Variants in GRIN2B observed in about 807,000 individuals in gnomAD.
GRIN2B encodes glutamate ionotropic receptor NMDA type subunit 2B, also known as glutamate receptor ionotropic, NMDA 2B.
GRIN2B carries 5 observed loss-of-function variants against 114.5 expected under a neutral mutation model. That is an observed-to-expected ratio of 0.04 (90% CI 0.02 to 0.09). GRIN2B has a LOEUF of 0.09. Among genes scored for constraint, GRIN2B ranks in the 10% least tolerant of loss-of-function variants. The pLI, the probability that GRIN2B is intolerant of heterozygous loss-of-function variation, is 1.00. For synonymous variants in GRIN2B, 787 were observed against 745.1 expected (o/e 1.06, Z -0.92); for missense variants, 1,108 against 1,943.5 (o/e 0.57, Z 8.08).
At chr12:13,976,377 G>A (rs549278840) in intron 2 of GRIN2B, among the ~76,000 whole-genome samples, 11 of 152,292 alleles carry the variant, frequency 7.2e-5, no homozygotes, top group African/African-American at 2.4e-4. Context: ...TTACTGAAAG[G>A]AAGAAATTTC....
At chr12:13,617,584 A>G (rs996546397) in intron 5 of GRIN2B, among the ~76,000 whole-genome samples, 35 of 152,334 alleles carry the variant, frequency 2.3e-4, no homozygotes, top group African/African-American at 7.2e-4. Flanking sequence ...TCTCTGTCTC[A>G]TTGAGTTTAA....
At chr12:13,963,335 G>A (rs1168707002) in intron 2 of GRIN2B, among the ~76,000 whole-genome samples, 1 of 152,124 alleles carries the variant, frequency 6.6e-6, no homozygotes, top group Non-Finnish European at 1.5e-5. Context: ...TCCCTCATCA[G>A]CAGAAATGAA....
rs757311521 is a variant in GRIN2B at position 13,537,625 on chromosome 12, C to G, written c.*25158G>C. 7 of 152,094 alleles carry G rather than the reference C, an allele frequency of 4.6e-5. No individual in the cohort carries two copies. Among genetic ancestry groups the G allele is most frequent in the Non-Finnish European group, 8.8e-5 (6 of 68,036 alleles). 9.4% of individuals were successfully genotyped at this position (152,094 alleles called of 1,614,324 possible). A position where few individuals can be genotyped will look rare whatever the true frequency, so the allele number is the denominator to read the frequency against. Reference sequence around the variant, plus strand: ...TGGGATTAGAAGTAAATAGGAGGCCCGCTTTCCCCAGATGCACATACATAG... The same window carrying G: ...TGGGATTAGAAGTAAATAGGAGGCCGGCTTTCCCCAGATGCACATACATAG... On this transcript the variant is annotated 3_prime_UTR_variant, in exon 14 of 14. Transcript: ENST00000609686.
At chr12:13,595,692 T>C (rs529316063) in intron 10 of GRIN2B, among the ~76,000 whole-genome samples, 1 of 152,124 alleles carries the variant, frequency 6.6e-6, no homozygotes, top group Non-Finnish European at 1.5e-5. Flanking sequence ...CCTCTCCTCA[T>C]TAGCAACCTG....
intron 2 of GRIN2B, among the ~76,000 whole-genome samples, chr12:13,933,475 A>T (rs974307206): frequency 6.6e-6 from 1 of 152,154 alleles, no homozygotes; most frequent in African/African-American, 2.4e-5. Flanking sequence ...CATCTCCTTG[A>T]TACGGTCCTA....
chr12:13,622,287 G>A (rs1949525374), intron 5 of GRIN2B, among the ~76,000 whole-genome samples: 1 of 152,178 alleles, frequency 6.6e-6, no homozygotes, highest in African/African-American at 2.4e-5. Flanking sequence ...TTTAAAATGT[G>A]AAACTTAAAG....
At chr12:13,625,346 C>A (rs2136491544) in intron 5 of GRIN2B, among the ~76,000 whole-genome samples, 1 of 152,206 alleles carries the variant, frequency 6.6e-6, no homozygotes, top group South Asian at 2.1e-4. Flanking sequence ...CTCCCAAGAT[C>A]CCTGATGGTT....
chr12:13,774,979 AATGATG>A (rs75004247), intron 3 of GRIN2B, among the ~76,000 whole-genome samples: 8 of 151,578 alleles, frequency 5.3e-5, no homozygotes, highest in African/African-American at 1.9e-4. Context: ...GGAGAGGTAA[AATGATG>A]ATGATGATGA....
At chr12:13,937,244 A>G (rs1234260203) in intron 2 of GRIN2B, among the ~76,000 whole-genome samples, 1 of 151,992 alleles carries the variant, frequency 6.6e-6, no homozygotes, top group African/African-American at 2.4e-5. Context: ...AAGCATGTGA[A>G]GAAATAGCAG....
chr12:13,666,531 T>A (rs962162589), intron 5 of GRIN2B, among the ~76,000 whole-genome samples: 1 of 152,212 alleles, frequency 6.6e-6, no homozygotes, highest in Non-Finnish European at 1.5e-5. Context: ...TGTGGGAAAT[T>A]TATGTTCATG....
intron 9 of GRIN2B, 87 bp downstream of exon 9, chr12:13,611,637 GA>G: frequency 1.6e-6 from 2 of 1,284,818 alleles, no homozygotes; most frequent in Non-Finnish European, 2.3e-6. Flanking sequence ...ATATGCTAGG[GA>G]AAATGCAGAT....
At chr12:13,597,254 C>T (rs972729478) in intron 10 of GRIN2B, among the ~76,000 whole-genome samples, 6 of 152,240 alleles carry the variant, frequency 3.9e-5, no homozygotes, top group Non-Finnish European at 7.4e-5. Context: ...TCTGGAGGCA[C>T]GGAATCTAAG....
rs1565448121 is a variant in GRIN2B at position 13,555,124 on chromosome 12, C to A, written c.*7659G>T. 6.6e-6 allele frequency: 1 copy of A among 152,042 alleles called. No homozygotes were observed. Among genetic ancestry groups the A allele is most frequent in the Non-Finnish European group, 1.5e-5 (1 of 68,010 alleles). The allele number at this position is 152,042 out of a possible 1,614,324, so 9.4% of individuals were successfully genotyped here. ...GAGAAGAGGGTCAAGCTCAGATATA[C>A]CATGGCAAGTCAATGCTAAGGAGAT... On this transcript the variant is annotated 3_prime_UTR_variant, in exon 14 of 14. Transcript: ENST00000609686.
chr12:13,723,086 G>A (rs117950054), intron 4 of GRIN2B, among the ~76,000 whole-genome samples: 5,667 of 152,042 alleles, frequency 0.037, 167 homozygotes, highest in Middle Eastern at 0.054. Context: ...TATGCAACCC[G>A]GAGATACAGC....
At chr12:13,814,406 T>G (rs574506951) in intron 3 of GRIN2B, among the ~76,000 whole-genome samples, 1 of 152,346 alleles carries the variant, frequency 6.6e-6, no homozygotes, top group Admixed American at 6.5e-5. Flanking sequence ...TTTAGTGTAA[T>G]GCTTATTTTA....
Position 13,538,131 on chromosome 12 carries a change from T to C in GRIN2B, c.*24652A>G, listed in dbSNP as rs1438904874. ...AGGGTAGGTTCTACCTTCCTAGTGA[T>C]GTATGCAGGGGAAGAGTGTCAATCC... is the stretch of plus-strand genomic sequence containing the variant. On this transcript the variant is annotated 3_prime_UTR_variant, in exon 14 of 14. Coordinates refer to ENST00000609686, the MANE Select transcript of GRIN2B (RefSeq NM_000834.5). 1 of 152,226 alleles carries C rather than the reference T, an allele frequency of 6.6e-6. No individual in the cohort carries two copies. Among genetic ancestry groups the C allele is most frequent in the Non-Finnish European group, 1.5e-5 (1 of 68,038 alleles). The allele number at this position is 152,226 out of a possible 1,614,324, so 9.4% of individuals were successfully genotyped here. A position where few individuals can be genotyped will look rare whatever the true frequency, so the allele number is the denominator to read the frequency against.
intron 4 of GRIN2B, among the ~76,000 whole-genome samples, chr12:13,678,769 G>T (rs999751222): frequency 2.6e-4 from 39 of 152,156 alleles, no homozygotes; most frequent in Non-Finnish European, 4.4e-4. Context: ...CAAAGGCCCT[G>T]AAGAATTCAT....
chr12:13,944,685 G>A (rs1867331445), intron 2 of GRIN2B, among the ~76,000 whole-genome samples: 1 of 152,202 alleles, frequency 6.6e-6, no homozygotes, highest in Non-Finnish European at 1.5e-5. Context: ...ACTTGCCCAA[G>A]GCCATGAAGT....
intron 2 of GRIN2B, among the ~76,000 whole-genome samples, chr12:13,967,811 G>A (rs1867813355): frequency 6.6e-6 from 1 of 152,164 alleles, no homozygotes; most frequent in Admixed American, 6.5e-5. Flanking sequence ...TCCCTGAGCT[G>A]AAACTTGCAG....
Sources: gnomAD v4.1 joint callset for allele counts (sites outside exome capture counted in the v4.1 genomes callset) on GRCh38, gnomAD v4.1.1 for gene constraint, MANE v1.5 for transcripts, NCBI Gene and HGNC (gene_info 2026-07-23, HGNC 2026-07-21) for gene names.